The following CHST8 variants were observed in gnomAD, a reference collection of about 807,000 sequenced individuals.
The protein encoded by CHST8 is carbohydrate sulfotransferase 8.
A neutral mutation model predicts 15.0 loss-of-function variants in CHST8; 10 were observed. The ratio of observed to expected loss-of-function variants is 0.67; its 90% CI spans 0.41 to 1.13. The LOEUF (loss-of-function observed/expected upper bound fraction) is 1.13, where lower values mean the gene tolerates loss of function less well. Among genes scored for constraint, CHST8 ranks in the 50% most tolerant of loss-of-function variants. The probability of loss-of-function intolerance (pLI) is 0.00; values close to 1 mark genes in which losing one functional copy is unlikely to be tolerated. For synonymous variants in CHST8, 259 were observed against 256.6 expected, an observed-to-expected ratio of 1.01 and a Z score of -0.09; for missense variants, 634 against 608.2, an observed-to-expected ratio of 1.04 and a Z score of -0.45.
At chr19:33,769,739 G>A (rs1974931547) in intron 3 of CHST8, among the ~76,000 whole-genome samples, 1 of 152,100 alleles carries the variant, frequency 6.6e-6, no homozygotes, top group African/African-American at 2.4e-5. Context: ...GTGCAGCCAG[G>A]TCTACTTGGA....
At chr19:33,667,373 G>A (rs559352118) in intron 1 of CHST8, among the ~76,000 whole-genome samples, 3 of 152,244 alleles carry the variant, frequency 2.0e-5, no homozygotes, top group African/African-American at 4.8e-5. Context: ...GCAGCCCGAC[G>A]GCTGGCGCTG....
At chr19:33,667,135 G>A (rs934384896) in intron 1 of CHST8, among the ~76,000 whole-genome samples, 3 of 152,156 alleles carry the variant, frequency 2.0e-5, no homozygotes, top group Non-Finnish European at 4.4e-5. Context: ...ACCCCATCTT[G>A]AAGAATGGGG....
rs1166238598 is a variant in CHST8 at position 33,773,292 on chromosome 19, G to A, written c.*229G>A. 2 of 576,304 alleles carry A rather than the reference G, an allele frequency of 3.5e-6. No individual in the cohort carries two copies. Among genetic ancestry groups the A allele is most frequent in the African/African-American group, 3.7e-5 (2 of 53,532 alleles). The allele number at this position is 576,304 out of a possible 1,614,324, so 35.7% of individuals were successfully genotyped here. A position where few individuals can be genotyped will look rare whatever the true frequency, so the allele number is the denominator to read the frequency against. ...TTCCTCATTCCTTGGCTGAGGGAGAGGCTGAGAACTGGGCAGACACCCCTG... is the reference window on the plus strand; with the variant it reads ...TTCCTCATTCCTTGGCTGAGGGAGAAGCTGAGAACTGGGCAGACACCCCTG... On this transcript the variant is annotated 3_prime_UTR_variant, in exon 5 of 5. Transcript: ENST00000650847.
intron 3 of CHST8, among the ~76,000 whole-genome samples, chr19:33,755,242 T>C (rs1281100154): frequency 6.6e-6 from 1 of 151,986 alleles, no homozygotes; most frequent in Non-Finnish European, 1.5e-5. Flanking sequence ...GACACACCTG[T>C]GCTGTGCTCA....
chr19:33,772,318 C>T lies in CHST8; in HGVS notation c.530C>T (p.Thr177Met), dbSNP rs770210072. The T allele has an allele frequency of 5.6e-6, 9 of 1,604,540 alleles. No homozygotes were observed. In the African/African-American group the frequency reaches 1.2e-4, roughly 21 times the overall value. ...YRASSSRRAV[T>M]PRHVSRIFVE... is the part of the protein sequence containing the mutation. Reference sequence around the variant, plus strand: ...GCGAGCAGCAGCCGCCGGGCCGTCACGCCCCGCCACGTGTCCCGTATCTTC... The same window carrying T: ...GCGAGCAGCAGCCGCCGGGCCGTCATGCCCCGCCACGTGTCCCGTATCTTC... Residue 177 changes from threonine to methionine, a missense_variant, in exon 5 of 5, where the codon ACG becomes ATG. Transcript: ENST00000650847.
At chr19:33,685,716 G>A (rs1189999236) in intron 2 of CHST8, among the ~76,000 whole-genome samples, 1 of 152,206 alleles carries the variant, frequency 6.6e-6, no homozygotes, top group African/African-American at 2.4e-5. Flanking sequence ...ACAGATGGTG[G>A]TGTCCACTCC....
chr19:33,727,089 C>T (rs1019531991), intron 3 of CHST8, among the ~76,000 whole-genome samples: 5 of 152,054 alleles, frequency 3.3e-5, no homozygotes, highest in African/African-American at 1.2e-4. Context: ...ACTTCATCCA[C>T]AGTCGCCCGG....
chr19:33,742,464 T>C (rs1303968907), intron 3 of CHST8, among the ~76,000 whole-genome samples: 5 of 152,136 alleles, frequency 3.3e-5, no homozygotes, highest in South Asian at 2.1e-4. Context: ...GCCAGACTCT[T>C]TTAAACAACC....
At chr19:33,720,767 C>T (rs897239726) in intron 3 of CHST8, among the ~76,000 whole-genome samples, 1 of 152,266 alleles carries the variant, frequency 6.6e-6, no homozygotes, top group African/African-American at 2.4e-5. Context: ...AGGGCAGGCC[C>T]CCACTCCCCT....
chr19:33,731,229 A>G (rs1466341745), intron 3 of CHST8, among the ~76,000 whole-genome samples: 1 of 152,238 alleles, frequency 6.6e-6, no homozygotes, highest in African/African-American at 2.4e-5. Flanking sequence ...CCATAGGCGG[A>G]GCAGCAGCTT....
At chr19:33,729,960 A>T (rs1278252131) in intron 3 of CHST8, among the ~76,000 whole-genome samples, 1 of 152,222 alleles carries the variant, frequency 6.6e-6, no homozygotes, top group African/African-American at 2.4e-5. Context: ...ATCGTATATG[A>T]TCCTTAAACA....
At chr19:33,644,991 T>G (rs1177945060) in intron 1 of CHST8, among the ~76,000 whole-genome samples, 1 of 152,182 alleles carries the variant, frequency 6.6e-6, no homozygotes, top group African/African-American at 2.4e-5. Context: ...GAGACATTTT[T>G]GATGGTCATG....
intron 1 of CHST8, among the ~76,000 whole-genome samples, chr19:33,659,636 T>A (rs1972560150): frequency 6.6e-6 from 1 of 151,680 alleles, no homozygotes; most frequent in Admixed American, 6.6e-5. Flanking sequence ...TGGAGAGATC[T>A]TGTCTCTACA....
At chr19:33,705,434 G>A (rs1973427840) in intron 3 of CHST8, among the ~76,000 whole-genome samples, 1 of 152,228 alleles carries the variant, frequency 6.6e-6, no homozygotes, top group South Asian at 2.1e-4. Context: ...AAGGGCCAGA[G>A]AGTGGGGTTC....
chr19:33,706,766 C>A (rs979058847), intron 3 of CHST8, among the ~76,000 whole-genome samples: 3 of 152,190 alleles, frequency 2.0e-5, no homozygotes, highest in African/African-American at 7.2e-5. Flanking sequence ...GAAGTAGCGG[C>A]AGTAATTAAA....
At chr19:33,697,675 C>A (rs1351036616) in intron 3 of CHST8, among the ~76,000 whole-genome samples, 1 of 152,188 alleles carries the variant, frequency 6.6e-6, no homozygotes, top group African/African-American at 2.4e-5. Context: ...TGGGCGGCTG[C>A]CTGTGGTTCA....
chr19:33,675,500 C>T (rs1972797228), intron 2 of CHST8, among the ~76,000 whole-genome samples: 1 of 152,242 alleles, frequency 6.6e-6, no homozygotes, highest in African/African-American at 2.4e-5. Context: ...CTGTTTCTCG[C>T]TTCCAAAAAC....
chr19:33,672,237 G>C (rs1226819201), intron 2 of CHST8, among the ~76,000 whole-genome samples: 1 of 151,872 alleles, frequency 6.6e-6, no homozygotes, highest in African/African-American at 2.4e-5. Context: ...TCACTCTTTT[G>C]CCCAGGCTGG....
At chr19:33,717,483 G>A (rs1973684823) in intron 3 of CHST8, among the ~76,000 whole-genome samples, 1 of 151,988 alleles carries the variant, frequency 6.6e-6, no homozygotes, top group Admixed American at 6.6e-5. Context: ...AAAAGTACAC[G>A]CTCAAGAAAG....
Sources: allele counts gnomAD v4.1 joint callset (sites outside exome capture counted in the v4.1 genomes callset), GRCh38; gene constraint gnomAD v4.1.1; transcripts MANE v1.5; gene names NCBI Gene and HGNC (gene_info 2026-07-23, HGNC 2026-07-21).